The following PREX2 variants were observed in gnomAD, a reference collection of about 807,000 sequenced individuals.
PREX2 encodes phosphatidylinositol 3,4,5-trisphosphate-dependent Rac exchanger 2 protein.
In PREX2, 107 loss-of-function variants were observed where a neutral mutation model predicts 203.2. That is an observed-to-expected ratio of 0.53 (90% CI 0.45 to 0.62). The LOEUF is 0.62. Ranked by LOEUF, PREX2 falls within the 20% of genes least tolerant of loss-of-function variation. The pLI is 0.00. For missense variants in PREX2, 1,777 were observed against 1,955.9 expected (o/e 0.91, Z 1.72); for synonymous variants, 672 against 663.6 (o/e 1.01, Z -0.19).
chr8:68,115,956 C>T (rs777916900), intron 26 of PREX2, 24 bp downstream of exon 26: 1 of 1,543,246 alleles, frequency 6.5e-7, no homozygotes. Context: ...TCCTCAAACT[C>T]ATTTTCTTAA....
chr8:68,178,928 T>A (rs929278011), intron 35 of PREX2, among the ~76,000 whole-genome samples: 1 of 152,204 alleles, frequency 6.6e-6, no homozygotes, highest in South Asian at 2.1e-4. Flanking sequence ...TAGTTAATAA[T>A]GTTAAACTAT....
At chr8:68,079,386 C>A (rs6994946) in intron 15 of PREX2, among the ~76,000 whole-genome samples, 1 of 152,004 alleles carries the variant, frequency 6.6e-6, no homozygotes, top group Non-Finnish European at 1.5e-5. Context: ...TACTATATGC[C>A]AAGTTATTTA....
chr8:68,190,335 G>T (rs1165568837), intron 35 of PREX2, among the ~76,000 whole-genome samples: 5 of 151,992 alleles, frequency 3.3e-5, no homozygotes, highest in African/African-American at 1.2e-4. Context: ...ATACTAGATG[G>T]TGAATTTGAA....
At chr8:68,133,383 G>A (rs1217267458) in intron 31 of PREX2, among the ~76,000 whole-genome samples, 1 of 152,030 alleles carries the variant, frequency 6.6e-6, no homozygotes, top group African/African-American at 2.4e-5. Context: ...GTCAATTGCA[G>A]GATAAGAATC....
chr8:68,066,314 T>G (rs192731555), intron 11 of PREX2, among the ~76,000 whole-genome samples: 18 of 152,258 alleles, frequency 1.2e-4, no homozygotes, highest in Admixed American at 9.8e-4. Context: ...TTTTCCAAAA[T>G]GGCTATATGA....
intron 1 of PREX2, among the ~76,000 whole-genome samples, chr8:67,984,995 T>G (rs1377544198): frequency 2.0e-5 from 3 of 151,250 alleles, no homozygotes; most frequent in African/African-American, 7.3e-5. Flanking sequence ...TGTGCTTAAG[T>G]ACACAAGTTT....
intron 4 of PREX2, among the ~76,000 whole-genome samples, chr8:68,023,955 A>AT (rs1229291027): frequency 6.6e-6 from 1 of 151,636 alleles, no homozygotes; most frequent in Admixed American, 6.6e-5. Context: ...TGGATAACTT[A>AT]TTTTTTTTCT....
intron 37 of PREX2, among the ~76,000 whole-genome samples, chr8:68,201,249 A>T (rs1432254953): frequency 6.6e-6 from 1 of 152,188 alleles, no homozygotes; most frequent in East Asian, 1.9e-4. Flanking sequence ...TGAGTATCTC[A>T]CCGATGTAAA....
chr8:67,974,764 TG>T (rs1236565337), intron 1 of PREX2, among the ~76,000 whole-genome samples: 1 of 152,236 alleles, frequency 6.6e-6, no homozygotes, highest in Non-Finnish European at 1.5e-5. Flanking sequence ...AACCTAGAGA[TG>T]ATGCAGTGAT....
intron 3 of PREX2, 65 bp downstream of exon 3, chr8:68,019,736 C>A: frequency 2.0e-6 from 3 of 1,469,218 alleles, no homozygotes; most frequent in African/African-American, 1.4e-5. Flanking sequence ...TAGCTCTTGG[C>A]ATAGTGGTAT....
chr8:68,130,389 A>G (rs997501425), intron 31 of PREX2, among the ~76,000 whole-genome samples: 2 of 152,186 alleles, frequency 1.3e-5, no homozygotes, highest in African/African-American at 4.8e-5. Flanking sequence ...CATAATTGAA[A>G]GAAAAAGACC....
chr8:68,208,801 CT>C (rs1812692700), intron 37 of PREX2, among the ~76,000 whole-genome samples: 1 of 151,912 alleles, frequency 6.6e-6, no homozygotes, highest in African/African-American at 2.4e-5. Flanking sequence ...TCAAAAGAAA[CT>C]TCTGAGCTGG....
intron 38 of PREX2, among the ~76,000 whole-genome samples, chr8:68,218,908 A>G (rs753036069): frequency 5.3e-5 from 8 of 152,230 alleles, no homozygotes; most frequent in Non-Finnish European, 1.2e-4. Flanking sequence ...GCCAGCTGGA[A>G]AGGGTAAACA....
intron 6 of PREX2, 134 bp downstream of exon 6, chr8:68,030,792 A>G: frequency 3.7e-6 from 3 of 815,812 alleles, no homozygotes; most frequent in Non-Finnish European, 5.9e-6. Flanking sequence ...GTCAATTCTG[A>G]AAAGTGCTCA....
At chr8:68,133,357 G>T (rs1811045927) in intron 31 of PREX2, among the ~76,000 whole-genome samples, 1 of 152,024 alleles carries the variant, frequency 6.6e-6, no homozygotes, top group Admixed American at 6.6e-5. Context: ...ATATCAGTGG[G>T]TTAACCAAAA....
chr8:68,035,497 A>G (rs553577074), intron 6 of PREX2, among the ~76,000 whole-genome samples: 1 of 152,262 alleles, frequency 6.6e-6, no homozygotes, highest in African/African-American at 2.4e-5. Context: ...GTGGTTAAAC[A>G]GTTCTTAATG....
At chr8:68,217,080 T>G (rs1160730460) in intron 37 of PREX2, among the ~76,000 whole-genome samples, 1 of 152,152 alleles carries the variant, frequency 6.6e-6, no homozygotes, top group Non-Finnish European at 1.5e-5. Context: ...GTATCACATT[T>G]CTATATAACC....
intron 1 of PREX2, among the ~76,000 whole-genome samples, chr8:67,965,517 A>G (rs199614331): frequency 1.1e-4 from 13 of 123,336 alleles, no homozygotes; most frequent in African/African-American, 1.6e-4. Flanking sequence ...ATGTGTGTGT[A>G]TATATATATA....
At chr8:68,010,846 C>T (rs879736945) in intron 1 of PREX2, among the ~76,000 whole-genome samples, 2 of 152,120 alleles carry the variant, frequency 1.3e-5, no homozygotes, top group Non-Finnish European at 2.9e-5. Flanking sequence ...TCCTAATCTT[C>T]GTTCTTTTTG....
Sources: gnomAD v4.1 joint callset for allele counts (sites outside exome capture counted in the v4.1 genomes callset) on GRCh38, gnomAD v4.1.1 for gene constraint, MANE v1.5 for transcripts, NCBI Gene and HGNC (gene_info 2026-07-23, HGNC 2026-07-21) for gene names.